The following ZSWIM7 variants were observed in gnomAD, a reference collection of about 807,000 sequenced individuals.
The protein encoded by ZSWIM7 is zinc finger SWIM-type containing 7.
ZSWIM7 carries 22 observed loss-of-function variants against 21.1 expected under a neutral mutation model. The observed-to-expected ratio is 1.04, with a 90% CI of 0.74 to 1.49. ZSWIM7 has a LOEUF of 1.49. Among genes scored for constraint, ZSWIM7 ranks in the 40% most tolerant of loss-of-function variants. The pLI, the probability that ZSWIM7 is intolerant of heterozygous loss-of-function variation, is 0.00. For synonymous variants in ZSWIM7, 67 were observed against 66.5 expected, an observed-to-expected ratio of 1.01 and a Z score of -0.04; for missense variants, 193 against 168.0, an observed-to-expected ratio of 1.15 and a Z score of -0.82.
chr17:15,981,089 G>T lies in ZSWIM7; in HGVS notation c.257C>A (p.Ser86Ter). The T allele has an allele frequency of 6.2e-7, 1 of 1,613,870 alleles. No individual in the cohort carries two copies. The highest frequency in any genetic ancestry group is 1.1e-5 in the South Asian group (1 of 91,016). The change falls in exon 4 of 5, where the codon TCA (serine) becomes TAA (stop). Residue 86 changes from serine to a stop codon, truncating the protein, a stop_gained. Coordinates refer to ENST00000399277, the MANE Select transcript of ZSWIM7 (RefSeq NM_001042697.2). LOFTEE classifies it high-confidence loss of function. ...CACTGAGAATGCAAATGCAGGACAT[G>T]AACAGTAATGACAAGAAGCCAAACA... The part of the protein sequence containing the change: ...YTCLASCHYC[S>*]CPAFAFSVLR...
chr17:15,981,272 C>A (rs550564864), intron 3 of ZSWIM7, 128 bp from the exon 4 acceptor site: 1 of 621,264 alleles, frequency 1.6e-6, no homozygotes, highest in Non-Finnish European at 2.8e-6. Context: ...TAATGTTTTA[C>A]ATAAAAGAGG....
rs140407268 is a variant in ZSWIM7, at chr17:15,993,889, T to C, written c.77-111A>G. The stretch of plus-strand genomic sequence containing the variant: ...AACACTTCCGTGTGTGATGGTCAAC[T>C]GAACCTATGCATCTGGTTTTACTCC... On this transcript the variant is annotated intron_variant, in intron 1 of 4. Coordinates refer to ENST00000399277, the MANE Select transcript of ZSWIM7 (RefSeq NM_001042697.2). 1,304 of 734,338 alleles carry C rather than the reference T, an allele frequency of 1.8e-3. 12 individuals carry two copies. The African/African-American group carries it at 0.021, about 12-fold the overall frequency. 45.5% of individuals were successfully genotyped at this position (734,338 alleles called of 1,614,324 possible). A position where few individuals can be genotyped will look rare whatever the true frequency, so the allele number is the denominator to read the frequency against.
intron 4 of ZSWIM7, among the ~76,000 whole-genome samples, chr17:15,980,019 C>T (rs1970335875): frequency 6.8e-6 from 1 of 147,832 alleles, no homozygotes; most frequent in Non-Finnish European, 1.5e-5. Flanking sequence ...GACGAGGCGG[C>T]TGGCCGGGCG....
Position 15,999,600 on chromosome 17 carries a change from C to A in ZSWIM7, c.-6G>T. 6.4e-7 allele frequency: 1 copy of A among 1,570,930 alleles called. No homozygotes were observed. ...GCCGGCAACACTACGGCCATCGCGC[C>A]GCAGGACACGCCCTCCACGACCGGC... On this transcript the variant is annotated 5_prime_UTR_variant, in exon 1 of 5. Transcript: ENST00000399277.
intron 3 of ZSWIM7, 104 bp from the exon 4 acceptor site, chr17:15,981,248 G>A (rs530385204): frequency 2.4e-5 from 17 of 696,836 alleles, no homozygotes; most frequent in Non-Finnish European, 3.2e-5. Flanking sequence ...AAATTGCACC[G>A]AGAAGAACTG....
In ZSWIM7 at chr17:15,978,053, T is replaced by C. The variant is rs1970300934; in HGVS notation, c.417A>G (p.Glu139=). 1 of 1,612,452 alleles carries C rather than the reference T, an allele frequency of 6.2e-7. No homozygotes were observed. The highest frequency in any genetic ancestry group is 2.2e-5 in the East Asian group (1 of 44,876). Residue 139 remains glutamate (E), a synonymous_variant, in exon 5 of 5, where the codon GAA becomes GAG. Coordinates refer to ENST00000399277, the MANE Select transcript of ZSWIM7 (RefSeq NM_001042697.2). ...GATGCTCAATCTGTACCTTTTATGC[T>C]TCTTGTTTCTTCTCCATCAATAATA... The part of the protein sequence containing the change: ...TDILLMEKKQ[E]A
intron 2 of ZSWIM7, among the ~76,000 whole-genome samples, chr17:15,988,365 C>G (rs1439079145): frequency 6.6e-6 from 1 of 152,072 alleles, no homozygotes; most frequent in Non-Finnish European, 1.5e-5. Context: ...TATTTAAGTA[C>G]TCTATGTATG....
intron 2 of ZSWIM7, among the ~76,000 whole-genome samples, chr17:15,988,510 T>G (rs1490343212): frequency 6.6e-6 from 1 of 152,136 alleles, no homozygotes; most frequent in Non-Finnish European, 1.5e-5. Context: ...TTAATAGATA[T>G]TGCCAATAGC....
intron 3 of ZSWIM7, among the ~76,000 whole-genome samples, chr17:15,983,853 C>T (rs2151622541): frequency 6.6e-6 from 1 of 152,264 alleles, no homozygotes; most frequent in Non-Finnish European, 1.5e-5. Flanking sequence ...TCCCAAACTG[C>T]TAGGATTCCA....
intron 3 of ZSWIM7, 30 bp downstream of exon 3, chr17:15,987,236 T>C: frequency 6.4e-7 from 1 of 1,563,390 alleles, no homozygotes. Context: ...GGGGTTTCTG[T>C]AGGGATCACC....
In ZSWIM7 at chr17:15,979,673, C is replaced by G. The variant is rs1362076556; in HGVS notation, c.306+1367G>C. 3.7e-5 allele frequency among the ~76,000 whole-genome samples: 5 copies of G among 135,922 alleles called. No individual in the cohort carries two copies. The East Asian group carries it at 8.9e-4, about 24-fold the overall frequency. 89.2% of individuals were successfully genotyped at this position (135,922 alleles called of 152,430 possible). A position where few individuals can be genotyped will look rare whatever the true frequency, so the allele number is the denominator to read the frequency against. On this transcript the variant is annotated intron_variant, in intron 4 of 4. Coordinates refer to ENST00000399277, the MANE Select transcript of ZSWIM7 (RefSeq NM_001042697.2). Reference sequence around the variant, plus strand: ...CGGCTGGCTGGGCGGAGGACTGACCCCCCCCACCTCCCTCCCGAATGGGGC... The same window carrying G: ...CGGCTGGCTGGGCGGAGGACTGACCGCCCCCACCTCCCTCCCGAATGGGGC...
At chr17:15,997,376 C>A (rs1970568626) in intron 1 of ZSWIM7, among the ~76,000 whole-genome samples, 1 of 152,038 alleles carries the variant, frequency 6.6e-6, no homozygotes, top group Non-Finnish European at 1.5e-5. Context: ...ATCTGAACAT[C>A]TTGAGGGGAG....
rs771318141 is a variant in ZSWIM7, at chr17:15,987,348, G to A, written c.119C>T (p.Ser40Leu). Residue 40 changes from serine to leucine, a missense_variant, in exon 3 of 5, where the codon TCA (serine) becomes TTA (leucine). Physicochemically the swap from Ser to Leu is moderately radical, Grantham distance 145 (BLOSUM62 -2). Transcript: ENST00000399277. ...YLLSLKFLFG[S>L]SATQALDLVD... The stretch of plus-strand genomic sequence containing the variant: ...TAGGTCCAAGGCCTGGGTGGCTGAT[G>A]AGCCAAAGAGAAACTTCAGCCTGTG... 10 of 1,613,166 alleles carry A rather than the reference G, an allele frequency of 6.2e-6. No individual in the cohort carries two copies. The Admixed American group carries it at 8.4e-5, about 13-fold the overall frequency.
chr17:15,991,919 T>G (rs1361948861), intron 2 of ZSWIM7, among the ~76,000 whole-genome samples: 53 of 69,358 alleles, frequency 7.6e-4, no homozygotes, highest in African/African-American at 2.7e-3. Context: ...TTTTTGTTTG[T>G]TTTGTTTTGT....
chr17:15,989,685 C>T (rs1185170246), intron 2 of ZSWIM7, among the ~76,000 whole-genome samples: 6 of 151,960 alleles, frequency 3.9e-5, no homozygotes, highest in African/African-American at 1.5e-4. Context: ...GGCTGGATTC[C>T]AGTGGTGCAA....
intron 3 of ZSWIM7, among the ~76,000 whole-genome samples, chr17:15,982,213 G>A (rs571264986): frequency 5.8e-4 from 89 of 152,162 alleles, no homozygotes; most frequent in Admixed American, 4.6e-4. Context: ...TAGTATGATC[G>A]CACAAATTTG....
At chr17:15,997,350 A>G (rs754823282) in intron 1 of ZSWIM7, among the ~76,000 whole-genome samples, 5 of 152,216 alleles carry the variant, frequency 3.3e-5, no homozygotes, top group Admixed American at 6.5e-5. Flanking sequence ...GGTGAAACTG[A>G]TAACATACTT....
At chr17:15,981,204 C>T (rs1970351300) in intron 3 of ZSWIM7, 60 bp from the exon 4 acceptor site, 1 of 1,274,800 alleles carries the variant, frequency 7.8e-7, no homozygotes, top group South Asian at 1.3e-5. Flanking sequence ...CACCTCTTTC[C>T]CTTTTTATTT....
In ZSWIM7 at chr17:15,981,035, C is replaced by G; in HGVS notation, c.306+5G>C. 1 of 1,609,962 alleles carries G rather than the reference C, an allele frequency of 6.2e-7. No homozygotes were observed. The highest frequency in any genetic ancestry group is 8.5e-7 in the Non-Finnish European group (1 of 1,176,744). ...TACAGTGGGAAGAGTCTTCCCCATC[C>G]TCACCAGGATGCTGTCACTCTTCCG... On this transcript the variant is annotated splice_donor_5th_base_variant and intron_variant, in intron 4 of 4. Transcript: ENST00000399277.
Sources: allele counts gnomAD v4.1 joint callset (sites outside exome capture counted in the v4.1 genomes callset), GRCh38; gene constraint gnomAD v4.1.1; transcripts MANE v1.5; gene names NCBI Gene and HGNC (gene_info 2026-07-23, HGNC 2026-07-21).